The following STRA6 variants were observed in gnomAD, a reference collection of about 807,000 sequenced individuals.
The protein encoded by STRA6 is receptor for retinol uptake STRA6.
A neutral mutation model predicts 83.6 loss-of-function variants in STRA6; 48 were observed. That is an observed-to-expected ratio of 0.57 (90% CI 0.46 to 0.73). The LOEUF (loss-of-function observed/expected upper bound fraction) is 0.73. Ranked by LOEUF, STRA6 falls within the 30% of genes least tolerant of loss-of-function variation. The probability of loss-of-function intolerance (pLI) is 0.00; values close to 1 mark genes in which losing one functional copy is unlikely to be tolerated. For synonymous variants in STRA6, 353 were observed against 362.3 expected (o/e 0.97, Z 0.29); for missense variants, 760 against 838.8 (o/e 0.91, Z 1.16).
upstream of STRA6, chr15:74,209,154 G>C: frequency 7.7e-7 from 1 of 1,298,656 alleles, no homozygotes; most frequent in South Asian, 1.9e-5. Context: ...CTCCAGCTCA[G>C]GCACAGAGCA....
In STRA6 at chr15:74,180,732, A is replaced by G. The variant is rs12912578; in HGVS notation, c.1840+50T>C. The stretch of plus-strand genomic sequence containing the variant: ...CTGGGGAGGGGCACACATCCTTCCT[A>G]GAAGAAGCTGGGTAGGCTCTATTCC... On this transcript the variant is annotated intron_variant, in intron 18 of 18. Coordinates refer to ENST00000395105, the MANE Select transcript of STRA6 (RefSeq NM_022369.4). 0.19 allele frequency: 295,769 copies of G among 1,563,154 alleles called. 31,903 individuals carry two copies. The highest frequency in any genetic ancestry group is 0.22 in the Non-Finnish European group (248,823 of 1,150,900).
rs1276834647 is a variant in STRA6, at chr15:74,183,970, G to A, written c.1186C>T (p.His396Tyr). The A allele has an allele frequency of 6.2e-7, 1 of 1,613,536 alleles. No homozygotes were observed. Among genetic ancestry groups the A allele is most frequent in the Non-Finnish European group, 8.5e-7 (1 of 1,180,038 alleles). Residue 396 changes from histidine (H) to tyrosine (Y), a missense_variant, in exon 14 of 19, where the codon CAC becomes TAC. His to Tyr is a moderately conservative substitution (Grantham distance 83). Transcript: ENST00000395105. ...VTHRTNLRALHRGAALDLSPL... is the reference protein window; with the variant it reads ...VTHRTNLRALYRGAALDLSPL... ...CTCAAGTCCAGGGCAGCTCCTCGGT[G>A]CAGAGCTCGAAGGTTGGTCCTGGGG...
upstream of STRA6, chr15:74,209,567 C>A (rs969152679): frequency 3.5e-4 from 284 of 822,764 alleles, 1 homozygote; most frequent in East Asian, 7.6e-3. Context: ...GTGAAAAAGG[C>A]CCCCTCGGAG....
Position 74,182,376 on chromosome 15 carries a change from T to C in STRA6, c.1385A>G (p.Asn462Ser), listed in dbSNP as rs778998574. Residue 462 changes from asparagine (N) to serine (S), a missense_variant, in exon 15 of 19, where the codon AAC becomes AGC. Asn to Ser is a conservative substitution (Grantham distance 46, BLOSUM62 1). Coordinates refer to ENST00000395105, the MANE Select transcript of STRA6 (RefSeq NM_022369.4). Reference protein sequence around the residue: ...LVLMPVLHGRNLLLFRSLESS... With the variant: ...LVLMPVLHGRSLLLFRSLESS... ...CTCCAGGGAACGGAAGAGCAGGAGGTTCCTGCCATGGAGCACAGGCATGAG... is the reference window on the plus strand; with the variant it reads ...CTCCAGGGAACGGAAGAGCAGGAGGCTCCTGCCATGGAGCACAGGCATGAG... 1 of 1,613,842 alleles carries C rather than the reference T, an allele frequency of 6.2e-7. No individual in the cohort carries two copies. The highest frequency in any genetic ancestry group is 8.5e-7 in the Non-Finnish European group (1 of 1,179,904).
intron 7 of STRA6, chr15:74,195,069 G>A (rs955058292): frequency 1.8e-4 from 254 of 1,446,560 alleles, no homozygotes; most frequent in Non-Finnish European, 2.1e-4. Flanking sequence ...CCCCTTCTCC[G>A]CCACCTCCTA....
chr15:74,205,856 G>A (rs1001248282), upstream of STRA6, among the ~76,000 whole-genome samples: 2 of 152,204 alleles, frequency 1.3e-5, no homozygotes, highest in Non-Finnish European at 1.5e-5. Flanking sequence ...GGTGAGCTTC[G>A]TCCTTTTCCC....
At chr15:74,181,486 G>A (rs2072986295) in intron 16 of STRA6, 28 bp from the exon 17 acceptor site, 2 of 1,611,164 alleles carry the variant, frequency 1.2e-6, no homozygotes, top group Middle Eastern at 1.7e-4. Flanking sequence ...AGCTGAGGCA[G>A]GCCGTTCCCC....
chr15:74,181,449 G>C lies in STRA6; in HGVS notation c.1530C>G (p.Leu510=), dbSNP rs765057513. Residue 510 remains leucine, a synonymous_variant, in exon 17 of 19, where the codon CTC becomes CTG. Coordinates refer to ENST00000395105, the MANE Select transcript of STRA6 (RefSeq NM_022369.4). Reference sequence around the variant, plus strand: ...GGAAGAGAAGAAAGGTGGCTGCATAGAGCACTCGCCTAGGATGGGAGAAGA... The same window carrying C: ...GGAAGAGAAGAAAGGTGGCTGCATACAGCACTCGCCTAGGATGGGAGAAGA... The part of the protein sequence containing the change: ...GHPQLTNRRV[L]YAATFLLFPL... 2 of 1,613,874 alleles carry C rather than the reference G, an allele frequency of 1.2e-6. No homozygotes were observed. Among genetic ancestry groups the C allele is most frequent in the East Asian group, 2.2e-5 (1 of 44,866 alleles).
intron 12 of STRA6, among the ~76,000 whole-genome samples, chr15:74,186,188 T>C (rs1044192963): frequency 5.9e-5 from 9 of 152,238 alleles, no homozygotes; most frequent in Non-Finnish European, 1.5e-5. Context: ...TGATTCAGTG[T>C]GCAGTCAGGA....
chr15:74,197,011 G>A (rs1433765895), intron 4 of STRA6, among the ~76,000 whole-genome samples: 1 of 152,228 alleles, frequency 6.6e-6, no homozygotes, highest in African/African-American at 2.4e-5. Context: ...GGTCAAGATG[G>A]CATTGGGATG....
intron 3 of STRA6, 51 bp from the exon 4 acceptor site, chr15:74,197,474 G>A (rs1314389124): frequency 6.8e-7 from 1 of 1,468,246 alleles, no homozygotes; most frequent in East Asian, 2.5e-5. Context: ...CTCCCCTGAG[G>A]GTCTGAGTTT....
Position 74,179,777 on chromosome 15 carries a change from CA to C in STRA6, c.*302del. The C allele has an allele frequency of 2.7e-6, 1 of 367,792 alleles. No individual in the cohort carries two copies. Among genetic ancestry groups the C allele is most frequent in the Non-Finnish European group, 5.0e-6 (1 of 198,604 alleles). The allele number at this position is 367,792 out of a possible 1,614,324, so 22.8% of individuals were successfully genotyped here. ...CATCGAGGCCCTTCAAGGCTGATGG[CA>C]GAGCCAGGGTAGGGAGACGCCTGGA... On this transcript the variant is annotated 3_prime_UTR_variant, in exon 19 of 19. Coordinates refer to ENST00000395105, the MANE Select transcript of STRA6 (RefSeq NM_022369.4).
intron 14 of STRA6, 183 bp downstream of exon 14, chr15:74,183,672 CA>C: frequency 6.5e-7 from 1 of 1,532,716 alleles, no homozygotes; most frequent in Non-Finnish European, 8.7e-7. Flanking sequence ...CCTGTACCCC[CA>C]TCCTGAATAA....
rs2074105261 is a variant in STRA6 at position 74,202,236 on chromosome 15, G to A, written c.32C>T (p.Ser11Phe). The change falls in exon 2 of 19, where the codon TCC becomes TTC. Residue 11 changes from serine to phenylalanine, a missense_variant. Coordinates refer to ENST00000395105, the MANE Select transcript of STRA6 (RefSeq NM_022369.4). ...GGAGTAGTCCTCTGTGGCCCCGGGGGAGGTCTGGTTCCCTGCTGGCTGGGA... is the reference window on the plus strand; with the variant it reads ...GGAGTAGTCCTCTGTGGCCCCGGGGAAGGTCTGGTTCCCTGCTGGCTGGGA... Reference protein sequence around the residue: MSSQPAGNQTSPGATEDYSYG... With the variant: MSSQPAGNQTFPGATEDYSYG... 1.3e-6 allele frequency: 2 copies of A among 1,537,126 alleles called. No homozygotes were observed. The highest frequency in any genetic ancestry group is 2.2e-5 in the Admixed American group (1 of 46,106).
At chr15:74,202,955 T>C, upstream of STRA6, 2 of 986,428 alleles carry the variant, frequency 2.0e-6, no homozygotes, top group Non-Finnish European at 1.2e-6. Context: ...CCTGCAAGGG[T>C]GTGGCCAGGA....
intron 1 of STRA6, chr15:74,208,106 G>A: frequency 8.7e-7 from 1 of 1,145,766 alleles, no homozygotes; most frequent in Admixed American, 3.9e-5. Flanking sequence ...TGGTGAGGAG[G>A]AGGAGGGTAG....
chr15:74,211,666 A>G (rs2074370260), upstream of STRA6, among the ~76,000 whole-genome samples: 1 of 151,868 alleles, frequency 6.6e-6, no homozygotes, highest in Non-Finnish European at 1.5e-5. Context: ...GGCCTCCCAA[A>G]GTGCTGGGAT....
chr15:74,193,741 G>A lies in STRA6; in HGVS notation c.720+59C>T, dbSNP rs7183712. The A allele has an allele frequency of 3.6e-3, 5,748 of 1,606,342 alleles. 143 individuals carry two copies. In the African/African-American group the frequency reaches 0.062, roughly 17 times the overall value. ...GCCATGTATCTGGGACCACAGATAC[G>A]GGGGAGTAGGGCTGTCTTGGGTGCT... On this transcript the variant is annotated intron_variant, in intron 8 of 18. Coordinates refer to ENST00000395105, the MANE Select transcript of STRA6 (RefSeq NM_022369.4).
intron 16 of STRA6, among the ~76,000 whole-genome samples, 197 bp downstream of exon 16, chr15:74,181,964 G>C (rs1403473213): frequency 6.6e-6 from 1 of 152,228 alleles, no homozygotes; most frequent in Non-Finnish European, 1.5e-5. Context: ...CCCATGCCGG[G>C]TATGTAGAGA....
Sources: gnomAD v4.1 joint callset for allele counts (sites outside exome capture counted in the v4.1 genomes callset) on GRCh38, gnomAD v4.1.1 for gene constraint, MANE v1.5 for transcripts, NCBI Gene and HGNC (gene_info 2026-07-23, HGNC 2026-07-21) for gene names.